Variants in FAT3 observed in about 807,000 individuals in gnomAD.
FAT3 encodes FAT atypical cadherin 3.
A neutral mutation model predicts 310.2 loss-of-function variants in FAT3; 95 were observed. The ratio of observed to expected loss-of-function variants is 0.31; its 90% confidence interval spans 0.26 to 0.36. The LOEUF is 0.36. FAT3 is among the 10% of genes least tolerant of loss of function. FAT3 has a pLI of 1.00. For missense variants in FAT3, 5,408 were observed against 5,715.6 expected, an observed-to-expected ratio of 0.95 and a Z score of 1.74; for synonymous variants, 2,314 against 2,192.9, an observed-to-expected ratio of 1.06 and a Z score of -1.54.
intron 3 of FAT3, among the ~76,000 whole-genome samples, chr11:92,681,303 C>A (rs1209962504): frequency 6.6e-6 from 1 of 152,086 alleles, no homozygotes; most frequent in Non-Finnish European, 1.5e-5. Context: ...GTGATGTAAG[C>A]AGAGAAGGGA....
chr11:92,668,579 CCTTGATCAAGTTATTTAA>C (rs1943029961), intron 3 of FAT3, among the ~76,000 whole-genome samples: 1 of 152,136 alleles, frequency 6.6e-6, no homozygotes, highest in African/African-American at 2.4e-5. Context: ...AGCTGCGTGA[CCTTGATCAAGTTATTTAA>C]CTTTCCTGAA....
intron 3 of FAT3, among the ~76,000 whole-genome samples, chr11:92,580,847 T>C (rs572997186): frequency 1.3e-5 from 2 of 152,152 alleles, no homozygotes; most frequent in Non-Finnish European, 2.9e-5. Context: ...ATGGCCTCCT[T>C]GGCAGTTTCA....
chr11:92,565,102 G>A (rs1267409034), intron 3 of FAT3, among the ~76,000 whole-genome samples: 126 of 138,502 alleles, frequency 9.1e-4, no homozygotes, highest in African/African-American at 3.1e-3. Flanking sequence ...CCAGGAGCTG[G>A]TTTTTTGAAA....
At chr11:92,277,188 T>C (rs1489247187) in intron 1 of FAT3, among the ~76,000 whole-genome samples, 1 of 152,164 alleles carries the variant, frequency 6.6e-6, no homozygotes, top group African/African-American at 2.4e-5. Flanking sequence ...CCAAGTTAAA[T>C]GCCAGGAAAA....
intron 2 of FAT3, among the ~76,000 whole-genome samples, chr11:92,505,396 C>T (rs931592410): frequency 6.6e-6 from 1 of 152,074 alleles, no homozygotes; most frequent in Non-Finnish European, 1.5e-5. Context: ...GTCTGTTTCC[C>T]TGGTCTGAGA....
chr11:92,480,183 T>C (rs1952180107), intron 2 of FAT3, among the ~76,000 whole-genome samples: 1 of 152,082 alleles, frequency 6.6e-6, no homozygotes, highest in Admixed American at 6.5e-5. Flanking sequence ...GAGAATGGCA[T>C]GAACCCAAGA....
intron 1 of FAT3, among the ~76,000 whole-genome samples, chr11:92,350,518 G>C (rs142130478): frequency 1.8e-3 from 281 of 152,092 alleles, no homozygotes; most frequent in African/African-American, 6.4e-3. Flanking sequence ...TATGCTTCTA[G>C]GATCCTTAAT....
In FAT3 at chr11:92,892,792, T is replaced by G. The variant is rs1244171089; in HGVS notation, c.*1679T>G. On this transcript the variant is annotated 3_prime_UTR_variant, in exon 28 of 28. Coordinates refer to ENST00000525166, the MANE Select transcript of FAT3 (RefSeq NM_001367949.2). ...GTTTTAAAAGTGTGTAATGTTTGAT[T>G]ACACCCTGGGATTCCCTTCTCATCT... 2 of 152,244 alleles carry G rather than the reference T, an allele frequency of 1.3e-5. No individual in the cohort carries two copies. Among genetic ancestry groups the G allele is most frequent in the Non-Finnish European group, 2.9e-5 (2 of 68,046 alleles). 9.4% of individuals were successfully genotyped at this position (152,244 alleles called of 1,614,324 possible).
intron 18 of FAT3, among the ~76,000 whole-genome samples, chr11:92,842,524 A>C (rs1161315367): frequency 6.6e-6 from 1 of 152,244 alleles, no homozygotes; most frequent in Non-Finnish European, 1.5e-5. Flanking sequence ...TTTACATTCC[A>C]GCATCTCTTG....
At chr11:92,675,023 T>C (rs1429687869) in intron 3 of FAT3, among the ~76,000 whole-genome samples, 1 of 152,322 alleles carries the variant, frequency 6.6e-6, no homozygotes. Flanking sequence ...TCAGTTTTCT[T>C]ATCATTTTAG....
chr11:92,607,079 C>T (rs955381192), intron 3 of FAT3, among the ~76,000 whole-genome samples: 15 of 152,190 alleles, frequency 9.9e-5, no homozygotes, highest in Non-Finnish European at 1.8e-4. Context: ...CCTTAGTGTT[C>T]ACCTAAATAG....
intron 2 of FAT3, among the ~76,000 whole-genome samples, chr11:92,500,728 A>G (rs919992791): frequency 6.6e-6 from 1 of 152,034 alleles, no homozygotes; most frequent in Admixed American, 6.6e-5. Flanking sequence ...GTACAATCCT[A>G]TTAGAGTTGT....
chr11:92,702,930 T>C (rs189572787), intron 4 of FAT3, among the ~76,000 whole-genome samples: 2 of 152,342 alleles, frequency 1.3e-5, no homozygotes, highest in East Asian at 3.9e-4. Context: ...TGAGCAATTA[T>C]GTCATATGTA....
At chr11:92,879,956 G>A (rs981211849) in intron 22 of FAT3, among the ~76,000 whole-genome samples, 1 of 151,644 alleles carries the variant, frequency 6.6e-6, no homozygotes, top group African/African-American at 2.4e-5. Flanking sequence ...CAAATCTTAC[G>A]GTTTTTTTTA....
chr11:92,369,803 C>A (rs575284649), intron 2 of FAT3, among the ~76,000 whole-genome samples: 1 of 152,134 alleles, frequency 6.6e-6, no homozygotes, highest in East Asian at 1.9e-4. Context: ...GCCGAGATTG[C>A]GCCACTGCAC....
At chr11:92,825,809 G>A (rs1341126695) in intron 13 of FAT3, among the ~76,000 whole-genome samples, 1 of 152,060 alleles carries the variant, frequency 6.6e-6, no homozygotes, top group East Asian at 1.9e-4. Context: ...CAACTCTGCT[G>A]CAGTTTGCAA....
chr11:92,854,234 T>C (rs751822163), intron 19 of FAT3, among the ~76,000 whole-genome samples: 6 of 151,664 alleles, frequency 4.0e-5, no homozygotes, highest in Non-Finnish European at 8.8e-5. Flanking sequence ...AAAATTGGAG[T>C]GGGTGCTGGG....
At chr11:92,425,633 GTGTTTGGTTTTC>G (rs1223980156) in intron 2 of FAT3, among the ~76,000 whole-genome samples, 1 of 152,118 alleles carries the variant, frequency 6.6e-6, no homozygotes, top group East Asian at 1.9e-4. Context: ...AGAACATGTG[GTGTTTGGTTTTC>G]TGTTCCTGTG....
chr11:92,747,467 G>A (rs1344396818), intron 4 of FAT3, among the ~76,000 whole-genome samples: 1 of 152,182 alleles, frequency 6.6e-6, no homozygotes, highest in African/African-American at 2.4e-5. Flanking sequence ...TAGGCCTCCA[G>A]GAAGCCTGTG....
Sources: gnomAD v4.1 joint callset for allele counts (sites outside exome capture counted in the v4.1 genomes callset) on GRCh38, gnomAD v4.1.1 for gene constraint, MANE v1.5 for transcripts, NCBI Gene and HGNC (gene_info 2026-07-23, HGNC 2026-07-21) for gene names.